Variants in USP34 observed in about 807,000 individuals in gnomAD.
USP34 encodes ubiquitin specific peptidase 34, also known as ubiquitin carboxyl-terminal hydrolase 34.
USP34 carries 70 observed loss-of-function variants against 460.3 expected under a neutral mutation model. The ratio of observed to expected loss-of-function variants is 0.15; its 90% CI spans 0.13 to 0.19. The LOEUF (loss-of-function observed/expected upper bound fraction) is 0.19, where lower values mean the gene tolerates loss of function less well. Ranked by LOEUF, USP34 falls within the 10% of genes least tolerant of loss-of-function variation. USP34 has a pLI of 1.00. For synonymous variants in USP34, 1,647 were observed against 1,405.3 expected (o/e 1.17, Z -3.85); for missense variants, 3,985 against 4,236.2 (o/e 0.94, Z 1.65).
At chr2:61,366,959 C>G (rs1315487799) in intron 10 of USP34, among the ~76,000 whole-genome samples, 1 of 151,950 alleles carries the variant, frequency 6.6e-6, no homozygotes, top group African/African-American at 2.4e-5. Flanking sequence ...TGAGGTGGGA[C>G]AATAACTTGA....
chr2:61,295,024 G>A lies in USP34; in HGVS notation c.4386C>T (p.Tyr1462=). Residue 1462 remains tyrosine, a synonymous_variant, in exon 32 of 80, where the codon TAC becomes TAT. Coordinates refer to ENST00000398571, the MANE Select transcript of USP34 (RefSeq NM_014709.4). ...RRIRRESTGS[Y]SDLYPDSDDS... ...CATCTGAATCTGGATAAAGATCACT[G>A]TAACTTCCCTATGAGAAAGGCAAAA... 6.2e-7 allele frequency: 1 copy of A among 1,611,056 alleles called. No homozygotes were observed. The highest frequency in any genetic ancestry group is 1.1e-5 in the South Asian group (1 of 89,838).
intron 10 of USP34, among the ~76,000 whole-genome samples, chr2:61,352,888 A>G (rs151240010): frequency 1.3e-5 from 2 of 152,206 alleles, no homozygotes; most frequent in Non-Finnish European, 2.9e-5. Context: ...AAAGAAAAGG[A>G]TATCAGGGAA....
At chr2:61,211,630 TA>T in intron 69 of USP34, 141 bp downstream of exon 69, 1 of 888,612 alleles carries the variant, frequency 1.1e-6, no homozygotes, top group Non-Finnish European at 1.6e-6. Flanking sequence ...TGTTTAAAAG[TA>T]GTTCATGAAC....
In USP34 at chr2:61,470,641, G is replaced by A; in HGVS notation, c.43+9C>T. On this transcript the variant is annotated intron_variant, in intron 1 of 79. Transcript: ENST00000398571. Reference sequence around the variant, plus strand: ...TGCACCCCGACAGGCCGCTACCGCGGCTACTTACTTTCATTTAACACCTCC... The same window carrying A: ...TGCACCCCGACAGGCCGCTACCGCGACTACTTACTTTCATTTAACACCTCC... 1.3e-6 allele frequency: 2 copies of A among 1,589,628 alleles called. No individual in the cohort carries two copies. The highest frequency in any genetic ancestry group is 1.7e-6 in the Non-Finnish European group (2 of 1,165,714).
chr2:61,319,697 T>A (rs1039997101), intron 21 of USP34, among the ~76,000 whole-genome samples: 1 of 151,880 alleles, frequency 6.6e-6, no homozygotes, highest in African/African-American at 2.4e-5. Flanking sequence ...TACAAAAAAT[T>A]AGCTGGGCAT....
At chr2:61,464,906 C>G (rs903802260) in intron 1 of USP34, among the ~76,000 whole-genome samples, 2 of 151,942 alleles carry the variant, frequency 1.3e-5, no homozygotes, top group African/African-American at 2.4e-5. Context: ...TAAACTGGTT[C>G]ACAAAAGTAA....
intron 27 of USP34, among the ~76,000 whole-genome samples, chr2:61,310,164 T>C (rs575599753): frequency 1.3e-5 from 2 of 152,320 alleles, no homozygotes; most frequent in South Asian, 4.1e-4. Flanking sequence ...ACGTGGATTT[T>C]CACTTTATTA....
At chr2:61,234,721 T>G (rs1227668534) in intron 57 of USP34, among the ~76,000 whole-genome samples, 3 of 152,026 alleles carry the variant, frequency 2.0e-5, no homozygotes, top group Admixed American at 6.6e-5. Flanking sequence ...GCTCACTGCT[T>G]CTCTGCCTCA....
intron 1 of USP34, among the ~76,000 whole-genome samples, chr2:61,435,307 C>CAAAAAAAA (rs59158283): frequency 0.035 from 1,415 of 40,824 alleles, 172 homozygotes; most frequent in Non-Finnish European, 0.038. Flanking sequence ...GACCTTGTTT[C>CAAAAAAAA]AAAAAAAAAA....
intron 10 of USP34, among the ~76,000 whole-genome samples, chr2:61,365,796 G>C (rs1692418960): frequency 6.6e-6 from 1 of 152,032 alleles, no homozygotes; most frequent in South Asian, 2.1e-4. Flanking sequence ...AAATGAGAAA[G>C]GAGAAAATTG....
Position 61,410,358 on chromosome 2 carries a change from G to A in USP34, c.132-4230C>T, listed in dbSNP as rs189786377. Among the ~76,000 whole-genome samples the A allele has an allele frequency of 5.2e-3, 797 of 152,282 alleles. 3 individuals carry two copies. The highest frequency in any genetic ancestry group is 8.6e-3 in the Non-Finnish European group (584 of 68,020). Reference sequence around the variant, plus strand: ...TTCACAACATGATTCATGCTCCTGTGAGAATCTGATGCTGCCACTGATCTG... The same window carrying A: ...TTCACAACATGATTCATGCTCCTGTAAGAATCTGATGCTGCCACTGATCTG... On this transcript the variant is annotated intron_variant, in intron 2 of 79. Transcript: ENST00000398571.
At chr2:61,242,995 A>G (rs970085972) in intron 51 of USP34, among the ~76,000 whole-genome samples, 13 of 151,778 alleles carry the variant, frequency 8.6e-5, no homozygotes, top group African/African-American at 2.9e-4. Context: ...GGTGCCCGCT[A>G]TCAAACCTGG....
chr2:61,346,527 TAAAAAA>T (rs926076478), intron 15 of USP34, among the ~76,000 whole-genome samples: 2 of 44,252 alleles, frequency 4.5e-5, no homozygotes, highest in South Asian at 9.2e-4. Context: ...CCCTATCTCT[TAAAAAA>T]AAAAAAAAAA....
At position 61,232,573 on chromosome 2, in the gene USP34, A is replaced by T. The variant is rs747214386; in HGVS notation, c.7033-41T>A. The T allele has an allele frequency of 2.2e-5, 32 of 1,471,582 alleles. 2 individuals are homozygous for T. In the South Asian group the frequency reaches 3.6e-4, roughly 17 times the overall value. The allele number at this position is 1,471,582 out of a possible 1,614,324, so 91.2% of individuals were successfully genotyped here. On this transcript the variant is annotated intron_variant, in intron 57 of 79. Transcript: ENST00000398571. ...ACAGCATGACTTTAACATTCAACAA[A>T]TATTTGTTACATGGGATAACAGTCA...
chr2:61,379,431 C>A (rs778147), intron 7 of USP34, among the ~76,000 whole-genome samples: 101,068 of 151,980 alleles, frequency 0.67, 33,893 homozygotes, highest in South Asian at 0.79. Flanking sequence ...GAGGCAAGAG[C>A]ATCGCTTGAA....
chr2:61,205,921 T>A, intron 72 of USP34, 96 bp downstream of exon 72: 1 of 907,418 alleles, frequency 1.1e-6, no homozygotes, highest in Non-Finnish European at 1.7e-6. Flanking sequence ...AAAGCACAAG[T>A]ATCTTTCAAA....
intron 1 of USP34, among the ~76,000 whole-genome samples, chr2:61,423,346 A>G (rs1694417194): frequency 6.6e-6 from 1 of 152,138 alleles, no homozygotes; most frequent in South Asian, 2.1e-4. Flanking sequence ...TCCTGATCAT[A>G]AGTGATATGC....
chr2:61,196,068 G>GTTT (rs1558460264), intron 75 of USP34, among the ~76,000 whole-genome samples: 2 of 47,032 alleles, frequency 4.3e-5, no homozygotes, highest in Non-Finnish European at 8.7e-5. Context: ...CACCATGCAC[G>GTTT]ATTTTTTTTT....
rs1344523654 is a variant in USP34 at position 61,266,025 on chromosome 2, T to A, written c.5576A>T (p.Tyr1859Phe). The change falls in exon 42 of 80, where the codon TAC becomes TTC. Residue 1859 changes from tyrosine to phenylalanine, a missense_variant. By Grantham distance (22) the Tyr-to-Phe change is conservative. This residue lies in a region of USP34 where 1,114 missense variants were observed against 1,122.5 expected (regional missense o/e 0.99). Coordinates refer to ENST00000398571, the MANE Select transcript of USP34 (RefSeq NM_014709.4). ...VEMVKGSVEN[Y>F]RLIHNWVMAQ... is the part of the protein sequence containing the mutation. Reference sequence around the variant, plus strand: ...CATAACCCAGTTGTGTATTAGCCTGTAGTTCTCAACAGACCCCTTTACCAT... The same window carrying A: ...CATAACCCAGTTGTGTATTAGCCTGAAGTTCTCAACAGACCCCTTTACCAT... The A allele has an allele frequency of 6.2e-7, 1 of 1,613,576 alleles. No homozygotes were observed. The highest frequency in any genetic ancestry group is 8.5e-7 in the Non-Finnish European group (1 of 1,179,590).
Sources: gnomAD v4.1 joint callset for allele counts (sites outside exome capture counted in the v4.1 genomes callset) on GRCh38, gnomAD v4.1.1 for gene constraint, gnomAD v4.1.1 regional missense constraint, MANE v1.5 for transcripts, NCBI Gene and HGNC (gene_info 2026-07-23, HGNC 2026-07-21) for gene names.